The following OR8U1 variants were observed in gnomAD, a reference collection of about 807,000 sequenced individuals.
The protein encoded by OR8U1 is olfactory receptor family 8 subfamily U member 1, also known as olfactory receptor 8U1.
For synonymous variants in OR8U1, 123 were observed against 128.9 expected, an observed-to-expected ratio of 0.95 and a Z score of 0.31; for missense variants, 371 against 362.5, an observed-to-expected ratio of 1.02 and a Z score of -0.19.
rs771721512 is a variant in OR8U1 at position 56,375,638 on chromosome 11, T to A, written c.15T>A (p.Asn5Lys). 64 of 1,606,534 alleles carry A rather than the reference T, an allele frequency of 4.0e-5. No homozygotes were observed. In the African/African-American group the frequency reaches 7.4e-4, roughly 18 times the overall value. The part of the protein sequence containing the change: MAHI[N>K]CTQATEFILV... ...CCAGAAAAGATATGGCTCACATCAA[T>A]TGCACCCAGGCGACAGAGTTTATTC... Residue 5 changes from asparagine (N) to lysine (K), a missense_variant, in exon 1 of 1, where the codon AAT (asparagine) becomes AAA (lysine). By Grantham distance (94) the Asn-to-Lys change is moderately conservative. Coordinates refer to ENST00000302270, the MANE Select transcript of OR8U1 (RefSeq NM_001005204.1).
rs202218073 is a variant in OR8U1 at position 56,376,149 on chromosome 11, C to T, written c.526C>T (p.His176Tyr). The T allele has an allele frequency of 1.1e-4, 181 of 1,613,850 alleles. No homozygotes were observed. Among genetic ancestry groups the T allele is most frequent in the Non-Finnish European group, 1.4e-4 (167 of 1,179,764 alleles). The change falls in exon 1 of 1, where the codon CAT (histidine) becomes TAT (tyrosine). Residue 176 changes from histidine to tyrosine, a missense_variant. His to Tyr is a moderately conservative substitution (Grantham distance 83). Transcript: ENST00000302270. ...CTATTGCCACTCCAACATTGTCAAC[C>T]ATTTCTATTGTGATGACATGCCTCT... ...LSYCHSNIVN[H>Y]FYCDDMPLLR...
Position 56,375,823 on chromosome 11 carries a change from C to T in OR8U1, c.200C>T (p.Ala67Val), listed in dbSNP as rs774001128. Residue 67 changes from alanine to valine, a missense_variant, in exon 1 of 1, where the codon GCT becomes GTT. By Grantham distance (64) the Ala-to-Val change is moderately conservative. Coordinates refer to ENST00000302270, the MANE Select transcript of OR8U1 (RefSeq NM_001005204.1). ...ATGTACTTCTTTCTTAGCAACCTAG[C>T]TTTTGTGGATTTCTGTTACTCTTCT... is the stretch of plus-strand genomic sequence containing the variant. ...TPMYFFLSNL[A>V]FVDFCYSSVI... 9.6e-5 allele frequency: 155 copies of T among 1,614,042 alleles called. No individual in the cohort carries two copies. Among genetic ancestry groups the T allele is most frequent in the Non-Finnish European group, 1.2e-4 (141 of 1,180,006 alleles).
chr11:56,376,371 A>T lies in OR8U1; in HGVS notation c.748A>T (p.Ile250Leu). ...TGGCTCTCACATGCTGGCAGTCACC[A>T]TATTCTATGGGACCCTCATTTTTAT... ...TCGSHMLAVTIFYGTLIFMYL... is the reference protein window; with the variant it reads ...TCGSHMLAVTLFYGTLIFMYL... The change falls in exon 1 of 1, where the codon ATA becomes TTA. Residue 250 changes from isoleucine (I) to leucine (L), a missense_variant. By Grantham distance (5) the Ile-to-Leu change is conservative. Transcript: ENST00000302270. 6.2e-7 allele frequency: 1 copy of T among 1,614,280 alleles called. No individual in the cohort carries two copies. The highest frequency in any genetic ancestry group is 2.2e-5 in the East Asian group (1 of 44,896).
In OR8U1 at chr11:56,375,830, G is replaced by A. The variant is rs759212931; in HGVS notation, c.207G>A (p.Val69=). 3.7e-6 allele frequency: 6 copies of A among 1,614,138 alleles called. No individual in the cohort carries two copies. The Admixed American group carries it at 1.0e-4, about 27-fold the overall frequency. Residue 69 remains valine (V), a synonymous_variant, in exon 1 of 1, where the codon GTG becomes GTA. Transcript: ENST00000302270. Reference sequence around the variant, plus strand: ...TCTTTCTTAGCAACCTAGCTTTTGTGGATTTCTGTTACTCTTCTGTCATTA... The same window carrying A: ...TCTTTCTTAGCAACCTAGCTTTTGTAGATTTCTGTTACTCTTCTGTCATTA... The part of the protein sequence containing the change: ...MYFFLSNLAF[V]DFCYSSVITP...
At position 56,375,683 on chromosome 11, in the gene OR8U1, T is replaced by C. The variant is rs1188100488; in HGVS notation, c.60T>C (p.His20=). The change falls in exon 1 of 1, where the codon CAT becomes CAC. Residue 20 remains histidine (H), a synonymous_variant. Coordinates refer to ENST00000302270, the MANE Select transcript of OR8U1 (RefSeq NM_001005204.1). ...TTATTCTTGTGGGCCTCACAGACCA[T>C]CAGGAGTTGAAGATGCCCCTCTTTG... ...TEFILVGLTD[H]QELKMPLFVL... is the part of the protein sequence containing the mutation. 1.9e-6 allele frequency: 3 copies of C among 1,613,736 alleles called. No homozygotes were observed. Among genetic ancestry groups the C allele is most frequent in the Non-Finnish European group, 2.5e-6 (3 of 1,179,772 alleles).
chr11:56,376,521 G>A lies in OR8U1; in HGVS notation c.898G>A (p.Ala300Thr). The A allele has an allele frequency of 3.8e-6, 6 of 1,584,884 alleles. No homozygotes were observed. The highest frequency in any genetic ancestry group is 1.2e-5 in the South Asian group (1 of 86,026). ...CCTCCAGAATAAGGAGGTGAAAGAA[G>A]CTCTGAAGAAAATCATTATCAATAA... is the stretch of plus-strand genomic sequence containing the variant. ...YSLQNKEVKE[A>T]LKKIIINKN The change falls in exon 1 of 1, where the codon GCT (alanine) becomes ACT (threonine). Residue 300 changes from alanine (A) to threonine (T), a missense_variant. Transcript: ENST00000302270.
Sources: gnomAD v4.1 joint callset for allele counts on GRCh38, gnomAD v4.1.1 for gene constraint, MANE v1.5 for transcripts, NCBI Gene and HGNC (gene_info 2026-07-23, HGNC 2026-07-21) for gene names.